Variants in INSC observed in about 807,000 individuals in gnomAD.
The protein encoded by INSC is protein inscuteable homolog.
INSC carries 67 observed loss-of-function variants against 58.6 expected under a neutral mutation model. That is an observed-to-expected ratio of 1.14 (90% CI 0.94 to 1.40). The LOEUF is 1.40. Ranked by LOEUF, INSC falls within the 40% of genes most tolerant of loss-of-function variation. The probability of loss-of-function intolerance (pLI) is 0.00; values close to 1 mark genes in which losing one functional copy is unlikely to be tolerated. For missense variants in INSC, 714 were observed against 692.0 expected (o/e 1.03, Z -0.36); for synonymous variants, 262 against 276.1 (o/e 0.95, Z 0.51).
chr11:15,158,793 C>T (rs1217507836), intron 2 of INSC, among the ~76,000 whole-genome samples: 1 of 151,418 alleles, frequency 6.6e-6, no homozygotes, highest in East Asian at 1.9e-4. Flanking sequence ...TTGGACACTG[C>T]CTGACTCCTT....
chr11:15,232,644 C>T lies in INSC; in HGVS notation c.1171-2958C>T, dbSNP rs571208993. Among the ~76,000 whole-genome samples, 102 of 152,140 alleles carry T rather than the reference C, an allele frequency of 6.7e-4. 1 individual carries two copies. Among genetic ancestry groups the T allele is most frequent in the Non-Finnish European group, 1.3e-3 (88 of 68,010 alleles). ...CCTGTGAATAAGTTACTTTATATAG[C>T]GACACGGGTTTTCTAGATGCGATTG... On this transcript the variant is annotated intron_variant, in intron 9 of 12. Coordinates refer to ENST00000379556, the MANE Select transcript of INSC (RefSeq NM_001042536.3).
At chr11:15,125,067 G>A (rs1219218032) in intron 1 of INSC, among the ~76,000 whole-genome samples, 2 of 152,156 alleles carry the variant, frequency 1.3e-5, no homozygotes, top group Non-Finnish European at 2.9e-5. Flanking sequence ...GAGAAATACG[G>A]AGAATAATAA....
intron 1 of INSC, among the ~76,000 whole-genome samples, chr11:15,124,800 C>A (rs1305261829): frequency 2.6e-5 from 4 of 152,106 alleles, no homozygotes; most frequent in Admixed American, 6.6e-5. Flanking sequence ...ACAATGACAG[C>A]CACATTAGAT....
At chr11:15,196,819 C>T (rs182489891) in intron 6 of INSC, among the ~76,000 whole-genome samples, 1 of 152,318 alleles carries the variant, frequency 6.6e-6, no homozygotes, top group East Asian at 1.9e-4. Context: ...CCCCCATTTT[C>T]CAGGTGAGGG....
chr11:15,166,986 A>T (rs942486108), intron 2 of INSC, among the ~76,000 whole-genome samples: 1 of 152,182 alleles, frequency 6.6e-6, no homozygotes, highest in Non-Finnish European at 1.5e-5. Context: ...AATGCATGAT[A>T]AGTGCACAGC....
intron 9 of INSC, among the ~76,000 whole-genome samples, chr11:15,228,033 T>C (rs554172365): frequency 6.6e-6 from 1 of 152,292 alleles, no homozygotes; most frequent in East Asian, 1.9e-4. Flanking sequence ...TGGAAACAAA[T>C]AATACATATT....
chr11:15,122,208 T>C (rs952520647), intron 1 of INSC, among the ~76,000 whole-genome samples: 2 of 152,192 alleles, frequency 1.3e-5, no homozygotes, highest in African/African-American at 4.8e-5. Flanking sequence ...AAGACTGTGA[T>C]AGAGAGTAAT....
intron 12 of INSC, chr11:15,241,614 C>T (rs1852358864): frequency 1.4e-6 from 1 of 702,872 alleles, no homozygotes; most frequent in African/African-American, 1.7e-5. Context: ...TCTCTGCCCT[C>T]CTGCTGTGGT....
chr11:15,236,055 CAAAAAAAAAA>C (rs66649068), intron 10 of INSC, among the ~76,000 whole-genome samples: 6 of 99,030 alleles, frequency 6.1e-5, no homozygotes, highest in African/African-American at 2.2e-4. Flanking sequence ...GACTCTGTCT[CAAAAAAAAAA>C]AAAAAAAAAA....
At chr11:15,160,460 A>G (rs1848978952) in intron 2 of INSC, among the ~76,000 whole-genome samples, 1 of 152,192 alleles carries the variant, frequency 6.6e-6, no homozygotes, top group African/African-American at 2.4e-5. Context: ...GCACACAGCT[A>G]TCAAGAGGAG....
intron 1 of INSC, among the ~76,000 whole-genome samples, chr11:15,137,452 T>C (rs958212754): frequency 6.6e-6 from 1 of 152,228 alleles, no homozygotes; most frequent in African/African-American, 2.4e-5. Context: ...TAAGGCTGTT[T>C]TGTCTCCATT....
At chr11:15,141,721 A>G (rs1848377054) in intron 1 of INSC, among the ~76,000 whole-genome samples, 1 of 152,074 alleles carries the variant, frequency 6.6e-6, no homozygotes, top group Non-Finnish European at 1.5e-5. Context: ...ACCCTTGCAC[A>G]GGTCACATAG....
chr11:15,258,507 G>C, the INSC span, among the ~76,000 whole-genome samples: 602 of 152,328 alleles, frequency 4.0e-3, 3 homozygotes, highest in African/African-American at 0.014. Context: ...AATTAGAGGA[G>C]TAGATCTTCA....
At chr11:15,233,585 C>G (rs1473400027) in intron 9 of INSC, among the ~76,000 whole-genome samples, 2 of 152,208 alleles carry the variant, frequency 1.3e-5, no homozygotes, top group African/African-American at 4.8e-5. Context: ...TTAACAGGAT[C>G]TAAATTAGTC....
At chr11:15,213,064 T>C (rs1851088156) in intron 7 of INSC, among the ~76,000 whole-genome samples, 1 of 152,190 alleles carries the variant, frequency 6.6e-6, no homozygotes, top group African/African-American at 2.4e-5. Context: ...GTGAAGGTTG[T>C]GCAACTTCCT....
Position 15,149,194 on chromosome 11 carries a change from G to A in INSC, c.20G>A (p.Gly7Asp), listed in dbSNP as rs1449652960. 6.2e-7 allele frequency: 1 copy of A among 1,610,314 alleles called. No individual in the cohort carries two copies. The highest frequency in any genetic ancestry group is 1.1e-5 in the South Asian group (1 of 90,608). MMALPG[G>D]RHLDSVTLPG... ...ATCAACATGATGGCACTGCCTGGAGGTCGCCACCTGGACTCCGTCACCCTG... is the reference window on the plus strand; with the variant it reads ...ATCAACATGATGGCACTGCCTGGAGATCGCCACCTGGACTCCGTCACCCTG... Residue 7 changes from glycine (G) to aspartate (D), a missense_variant, in exon 2 of 13, where the codon GGT (glycine) becomes GAT (aspartate). By Grantham distance (94) the Gly-to-Asp change is moderately conservative (BLOSUM62 -1). Transcript: ENST00000379556.
chr11:15,226,561 G>T (rs1365671430), intron 9 of INSC, among the ~76,000 whole-genome samples: 1 of 152,092 alleles, frequency 6.6e-6, no homozygotes, highest in African/African-American at 2.4e-5. Flanking sequence ...TAGATTAGGT[G>T]GTCTCTGTAA....
At chr11:15,168,022 G>T (rs1849262403) in intron 2 of INSC, among the ~76,000 whole-genome samples, 1 of 152,112 alleles carries the variant, frequency 6.6e-6, no homozygotes, top group African/African-American at 2.4e-5. Flanking sequence ...GCCCATAGCA[G>T]CCCCAAGTTG....
intron 1 of INSC, among the ~76,000 whole-genome samples, chr11:15,116,879 C>CT (rs1847727573): frequency 9.6e-5 from 1 of 10,368 alleles, no homozygotes; most frequent in African/African-American, 4.3e-4. Flanking sequence ...CTCTCTCTCC[C>CT]CCTCCCTCCC....
Sources: allele counts gnomAD v4.1 joint callset (sites outside exome capture counted in the v4.1 genomes callset), GRCh38; gene constraint gnomAD v4.1.1; transcripts MANE v1.5; gene names NCBI Gene and HGNC (gene_info 2026-07-23, HGNC 2026-07-21).